PPM1D: variants seen among roughly 807,000 people sequenced by gnomAD.
The protein encoded by PPM1D is protein phosphatase 1D.
In PPM1D, 52 loss-of-function variants were observed where a neutral mutation model predicts 58.3. The observed-to-expected ratio is 0.89, with a 90% CI of 0.71 to 1.12. The LOEUF is 1.12. Among genes scored for constraint, PPM1D ranks in the 50% most tolerant of loss-of-function variants. The pLI is 0.00. For synonymous variants in PPM1D, 278 were observed against 285.1 expected (o/e 0.98, Z 0.25); for missense variants, 564 against 777.2 (o/e 0.73, Z 3.26).
In PPM1D at chr17:60,663,114, T is replaced by C; in HGVS notation, c.1380T>C (p.Asn460=). The C allele has an allele frequency of 6.2e-7, 1 of 1,614,194 alleles. No homozygotes were observed. Among genetic ancestry groups the C allele is most frequent in the Non-Finnish European group, 8.5e-7 (1 of 1,180,020 alleles). ...LEVSAEIARE[N]VQGVVIPSKD... ...TTTCAGCTGAGATAGCTCGAGAGAATGTCCAAGGTGTAGTCATACCCTCAA... is the reference window on the plus strand; with the variant it reads ...TTTCAGCTGAGATAGCTCGAGAGAACGTCCAAGGTGTAGTCATACCCTCAA... The change falls in exon 6 of 6, where the codon AAT becomes AAC. Residue 460 remains asparagine (N), a synonymous_variant. Transcript: ENST00000305921.
chr17:60,647,889 C>G lies in PPM1D; in HGVS notation c.827-3C>G. 1 of 1,608,516 alleles carries G rather than the reference C, an allele frequency of 6.2e-7. No individual in the cohort carries two copies. The highest frequency in any genetic ancestry group is 8.5e-7 in the Non-Finnish European group (1 of 1,175,612). On this transcript the variant is annotated splice_polypyrimidine_tract_variant and splice_region_variant and intron_variant, in intron 3 of 5. Coordinates refer to ENST00000305921, the MANE Select transcript of PPM1D (RefSeq NM_003620.4). ...TCTTGCTTTTTCTGCTCCCTTCCCC[C>G]AGGTGATTTGTGGAGCTATGATTTC...
chr17:60,648,529 C>T (rs536411188), intron 4 of PPM1D, among the ~76,000 whole-genome samples: 4 of 151,016 alleles, frequency 2.6e-5, no homozygotes, highest in Non-Finnish European at 4.4e-5. Context: ...GGACTACAGG[C>T]GCCTGCCATC....
chr17:60,639,477 G>A (rs140965069), intron 3 of PPM1D, among the ~76,000 whole-genome samples: 1,648 of 143,798 alleles, frequency 0.011, 27 homozygotes, highest in African/African-American at 0.04. Flanking sequence ...TCACTCTGTC[G>A]CCCAGGCTGG....
intron 1 of PPM1D, among the ~76,000 whole-genome samples, chr17:60,605,477 C>A (rs1386400816): frequency 1.3e-5 from 2 of 152,172 alleles, no homozygotes; most frequent in African/African-American, 2.4e-5. Context: ...ATACCTTGCC[C>A]AAAGTAGCTG....
At chr17:60,613,677 G>A (rs1051531721) in intron 1 of PPM1D, among the ~76,000 whole-genome samples, 1 of 152,246 alleles carries the variant, frequency 6.6e-6, no homozygotes, top group African/African-American at 2.4e-5. Flanking sequence ...AGTTCCAGGT[G>A]GGCATGGGCT....
chr17:60,614,654 C>T (rs2030543555), intron 1 of PPM1D, among the ~76,000 whole-genome samples: 1 of 152,152 alleles, frequency 6.6e-6, no homozygotes, highest in African/African-American at 2.4e-5. Flanking sequence ...ACTGGGTCCA[C>T]ACTGTCTTTA....
At chr17:60,636,995 T>C (rs2031036145) in intron 3 of PPM1D, among the ~76,000 whole-genome samples, 1 of 143,104 alleles carries the variant, frequency 7.0e-6, no homozygotes, top group South Asian at 2.3e-4. Context: ...TTAGACAGAA[T>C]TTCGCTTTTA....
intron 5 of PPM1D, among the ~76,000 whole-genome samples, chr17:60,657,458 T>C (rs2031461119): frequency 6.6e-6 from 1 of 152,214 alleles, no homozygotes; most frequent in Non-Finnish European, 1.5e-5. Context: ...CCACCAAAAA[T>C]TAGCAGTATT....
chr17:60,608,595 A>G (rs1293128753), intron 1 of PPM1D, among the ~76,000 whole-genome samples: 1 of 152,094 alleles, frequency 6.6e-6, no homozygotes, highest in Non-Finnish European at 1.5e-5. Flanking sequence ...TGTCTCAACA[A>G]TAAATAAATA....
rs1345264200 is a variant in PPM1D, at chr17:60,633,955, T to C, written c.804T>C (p.Phe268=). The part of the protein sequence containing the change: ...RRSTVIDQIP[F]LAVARALGDL... Reference sequence around the variant, plus strand: ...GCACAGTTATTGACCAGATTCCTTTTCTGGCAGTAGCAAGAGCACTTGGTA... The same window carrying C: ...GCACAGTTATTGACCAGATTCCTTTCCTGGCAGTAGCAAGAGCACTTGGTA... The change falls in exon 3 of 6, where the codon TTT becomes TTC. Residue 268 remains phenylalanine (F), a synonymous_variant. Transcript: ENST00000305921. 3 of 1,613,626 alleles carry C rather than the reference T, an allele frequency of 1.9e-6. No homozygotes were observed. In the African/African-American group the frequency reaches 4.0e-5, roughly 22 times the overall value.
intron 4 of PPM1D, among the ~76,000 whole-genome samples, chr17:60,653,981 A>G (rs1309255518): frequency 6.6e-6 from 1 of 152,132 alleles, no homozygotes; most frequent in Non-Finnish European, 1.5e-5. Context: ...AACAAGGCTC[A>G]TTTGACTTAT....
chr17:60,658,866 G>A (rs1463415071), intron 5 of PPM1D, among the ~76,000 whole-genome samples: 1 of 152,066 alleles, frequency 6.6e-6, no homozygotes, highest in Non-Finnish European at 1.5e-5. Context: ...GGAGGCAGAG[G>A]CGGGAATCGC....
chr17:60,653,151 C>A (rs893172040), intron 4 of PPM1D, among the ~76,000 whole-genome samples: 2 of 152,080 alleles, frequency 1.3e-5, no homozygotes, highest in African/African-American at 4.8e-5. Flanking sequence ...GTAGATCTCA[C>A]AGAGGGAATA....
chr17:60,623,845 A>G lies in PPM1D; in HGVS notation c.701+96A>G, dbSNP rs1443635640. 2.5e-6 allele frequency: 3 copies of G among 1,220,846 alleles called. No homozygotes were observed. The Admixed American group carries it at 7.9e-5, about 32-fold the overall frequency. The allele number at this position is 1,220,846 out of a possible 1,614,324, so 75.6% of individuals were successfully genotyped here. A position where few individuals can be genotyped will look rare whatever the true frequency, so the allele number is the denominator to read the frequency against. ...GACCTACTACTGTCCCTTTTACTGAAGTTACTTTCTTAGTATTACAGGTTT... is the reference window on the plus strand; with the variant it reads ...GACCTACTACTGTCCCTTTTACTGAGGTTACTTTCTTAGTATTACAGGTTT... On this transcript the variant is annotated intron_variant, in intron 2 of 5. Coordinates refer to ENST00000305921, the MANE Select transcript of PPM1D (RefSeq NM_003620.4).
At chr17:60,605,071 C>T (rs1375787057) in intron 1 of PPM1D, among the ~76,000 whole-genome samples, 1 of 152,192 alleles carries the variant, frequency 6.6e-6, no homozygotes, top group Non-Finnish European at 1.5e-5. Context: ...ATCCATCTGC[C>T]TCGGCCTCCC....
chr17:60,619,617 T>C (rs1335253943), intron 1 of PPM1D, among the ~76,000 whole-genome samples: 2 of 151,992 alleles, frequency 1.3e-5, no homozygotes, highest in African/African-American at 4.8e-5. Context: ...TTTTTTTAAT[T>C]TTTTTTTAGA....
At chr17:60,624,860 C>G (rs2030774183) in intron 2 of PPM1D, among the ~76,000 whole-genome samples, 1 of 151,988 alleles carries the variant, frequency 6.6e-6, no homozygotes, top group South Asian at 2.1e-4. Flanking sequence ...AAGTGTGAGG[C>G]TGGGCGCAGT....
chr17:60,661,061 A>C (rs2031517124), intron 5 of PPM1D, among the ~76,000 whole-genome samples: 1 of 150,122 alleles, frequency 6.7e-6, no homozygotes, highest in Non-Finnish European at 1.5e-5. Context: ...TAAAAATACA[A>C]AAAAAAAATT....
At chr17:60,619,783 T>C (rs1598402437) in intron 1 of PPM1D, among the ~76,000 whole-genome samples, 1 of 152,192 alleles carries the variant, frequency 6.6e-6, no homozygotes, top group East Asian at 1.9e-4. Context: ...AAATTTTTAG[T>C]GGAGATGGGT....
Sources: allele counts gnomAD v4.1 joint callset (sites outside exome capture counted in the v4.1 genomes callset), GRCh38; gene constraint gnomAD v4.1.1; transcripts MANE v1.5; gene names NCBI Gene and HGNC (gene_info 2026-07-23, HGNC 2026-07-21).